EXT2: variants seen among roughly 807,000 people sequenced by gnomAD.
The protein encoded by EXT2 is exostosin glycosyltransferase 2.
Under a neutral mutation model 81.6 loss-of-function variants are expected in EXT2, and 53 were observed. That is an observed-to-expected ratio of 0.65 (90% CI 0.52 to 0.82). EXT2 has a LOEUF of 0.82. Ranked by LOEUF, EXT2 falls within the 40% of genes least tolerant of loss-of-function variation. The probability of loss-of-function intolerance (pLI) is 0.00; values close to 1 mark genes in which losing one functional copy is unlikely to be tolerated. For missense variants in EXT2, 774 were observed against 910.2 expected, an observed-to-expected ratio of 0.85 and a Z score of 1.93; for synonymous variants, 320 against 340.0, an observed-to-expected ratio of 0.94 and a Z score of 0.65.
At chr11:44,149,079 G>A (rs1427197196) in intron 7 of EXT2, among the ~76,000 whole-genome samples, 1 of 152,154 alleles carries the variant, frequency 6.6e-6, no homozygotes, top group Non-Finnish European at 1.5e-5. Context: ...AAAGAGTTTG[G>A]GGTTGGGTGC....
rs543834148 is a variant in EXT2 at position 44,238,605 on chromosome 11, C to T, written c.2018+2230C>T. ...ATGTAACAATGCAATTTGTGATGAG[C>T]GCCCTGAGAGAGGCTCAAAGGGCTG... On this transcript the variant is annotated intron_variant, in intron 13 of 13. Coordinates refer to ENST00000533608, the MANE Select transcript of EXT2 (RefSeq NM_207122.2). Among the ~76,000 whole-genome samples, 5 of 152,194 alleles carry T rather than the reference C, an allele frequency of 3.3e-5. No individual in the cohort carries two copies. The East Asian group carries it at 7.7e-4, about 24-fold the overall frequency.
At chr11:44,126,788 A>G (rs760107394) in intron 5 of EXT2, 28 bp from the exon 6 acceptor site, 4 of 1,613,978 alleles carry the variant, frequency 2.5e-6, no homozygotes, top group East Asian at 4.5e-5. Flanking sequence ...ACTAGTTTGT[A>G]ATCTCTTGCC....
At chr11:44,165,802 T>G (rs1456008626) in intron 7 of EXT2, among the ~76,000 whole-genome samples, 1 of 152,194 alleles carries the variant, frequency 6.6e-6, no homozygotes, top group African/African-American at 2.4e-5. Context: ...CTTTGTAAAT[T>G]TTTACACCTT....
intron 1 of EXT2, among the ~76,000 whole-genome samples, chr11:44,100,509 T>C (rs1953966164): frequency 6.6e-6 from 1 of 152,110 alleles, no homozygotes; most frequent in Admixed American, 6.5e-5. Context: ...TTGAGCAGTG[T>C]ATGGACAATG....
Position 44,249,485 on chromosome 11 carries a change from A to G in EXT2, c.*5198A>G, listed in dbSNP as rs763912519. The stretch of plus-strand genomic sequence containing the variant: ...CCATCTTGTGGACAACCTCTCAGGA[A>G]TTGCAGGTGGTGTGGGAGTGGCTGA... On this transcript the variant is annotated 3_prime_UTR_variant, in exon 14 of 14. Transcript: ENST00000533608. 1.2e-4 allele frequency among the ~76,000 whole-genome samples: 19 copies of G among 152,314 alleles called. No homozygotes were observed. The highest frequency in any genetic ancestry group is 2.8e-4 in the Non-Finnish European group (19 of 68,002).
chr11:44,202,740 A>G (rs1322668570), intron 9 of EXT2, among the ~76,000 whole-genome samples: 1 of 152,190 alleles, frequency 6.6e-6, no homozygotes, highest in East Asian at 1.9e-4. Context: ...ATTCCCATTC[A>G]CCCTCACAGT....
intron 13 of EXT2, among the ~76,000 whole-genome samples, chr11:44,237,498 C>T (rs1017677993): frequency 1.3e-5 from 2 of 152,024 alleles, no homozygotes; most frequent in Non-Finnish European, 1.5e-5. Context: ...CATACACTGT[C>T]GTAGCTCCTT....
At chr11:44,106,773 G>C (rs1954061432) in intron 1 of EXT2, among the ~76,000 whole-genome samples, 1 of 152,184 alleles carries the variant, frequency 6.6e-6, no homozygotes, top group Non-Finnish European at 1.5e-5. Flanking sequence ...GGGATTACAG[G>C]TGCATGCCAC....
At chr11:44,183,370 AG>A (rs1955263095) in intron 8 of EXT2, among the ~76,000 whole-genome samples, 1 of 152,194 alleles carries the variant, frequency 6.6e-6, no homozygotes, top group Admixed American at 6.5e-5. Context: ...GTTGCCAAAT[AG>A]TGATTTTCCA....
intron 7 of EXT2, among the ~76,000 whole-genome samples, chr11:44,154,957 T>C (rs1590601912): frequency 6.7e-6 from 1 of 150,018 alleles, no homozygotes; most frequent in African/African-American, 2.5e-5. Flanking sequence ...TTAAATTAGA[T>C]TTTTTTTTTG....
At position 44,245,142 on chromosome 11, in the gene EXT2, A is replaced by C. The variant is rs968340115; in HGVS notation, c.*855A>C. On this transcript the variant is annotated 3_prime_UTR_variant, in exon 14 of 14. Coordinates refer to ENST00000533608, the MANE Select transcript of EXT2 (RefSeq NM_207122.2). ...CAGATGACTCAGAAACCTCCAGAGG[A>C]ATCTGTTTGCTTCCTGATTAGATCC... 4.3e-6 allele frequency: 1 copy of C among 230,300 alleles called. No individual in the cohort carries two copies. The highest frequency in any genetic ancestry group is 8.6e-6 in the Non-Finnish European group (1 of 116,104). 14.3% of individuals were successfully genotyped at this position (230,300 alleles called of 1,614,324 possible). A position where few individuals can be genotyped will look rare whatever the true frequency, so the allele number is the denominator to read the frequency against.
chr11:44,115,445 G>C (rs1447819340), intron 4 of EXT2, among the ~76,000 whole-genome samples: 1 of 152,158 alleles, frequency 6.6e-6, no homozygotes, highest in East Asian at 1.9e-4. Flanking sequence ...CTGACAACAT[G>C]AATGTGCAGC....
At chr11:44,241,408 C>G (rs1297203781) in intron 13 of EXT2, among the ~76,000 whole-genome samples, 1 of 152,180 alleles carries the variant, frequency 6.6e-6, no homozygotes, top group Non-Finnish European at 1.5e-5. Flanking sequence ...CATCTCCTAA[C>G]ATAGGGATAT....
intron 10 of EXT2, among the ~76,000 whole-genome samples, chr11:44,227,326 A>G (rs1428898612): frequency 6.6e-6 from 1 of 152,258 alleles, no homozygotes; most frequent in Non-Finnish European, 1.5e-5. Context: ...AATGCAGCCC[A>G]TGCTGTTTAG....
At chr11:44,192,551 G>C (rs1031380067) in intron 8 of EXT2, among the ~76,000 whole-genome samples, 10 of 152,094 alleles carry the variant, frequency 6.6e-5, no homozygotes, top group Middle Eastern at 3.2e-3. Flanking sequence ...GTTTTAGTAG[G>C]CAAGATGAAT....
intron 7 of EXT2, among the ~76,000 whole-genome samples, chr11:44,141,652 T>C (rs1954647619): frequency 6.6e-6 from 1 of 152,208 alleles, no homozygotes; most frequent in African/African-American, 2.4e-5. Context: ...CTTTTGAAGG[T>C]GGCGGGTAAA....
intron 9 of EXT2, among the ~76,000 whole-genome samples, chr11:44,201,987 G>C (rs931706906): frequency 6.6e-6 from 1 of 152,166 alleles, no homozygotes; most frequent in Admixed American, 6.5e-5. Flanking sequence ...ATTTGACAAA[G>C]GGAAAACATG....
Position 44,207,470 on chromosome 11 carries a change from T to A in EXT2, c.1662+511T>A, listed in dbSNP as rs547068602. Among the ~76,000 whole-genome samples, 10 of 152,220 alleles carry A rather than the reference T, an allele frequency of 6.6e-5. No homozygotes were observed. The South Asian group carries it at 2.1e-3, about 32-fold the overall frequency. On this transcript the variant is annotated intron_variant, in intron 10 of 13. Coordinates refer to ENST00000533608, the MANE Select transcript of EXT2 (RefSeq NM_207122.2). ...AATGAGGCTGATGGATTAGGCTGGG[T>A]TCAAGGGTTAAGTATGGAGACCAGT...
intron 10 of EXT2, among the ~76,000 whole-genome samples, chr11:44,229,946 G>A (rs538280317): frequency 1.3e-5 from 2 of 152,338 alleles, no homozygotes; most frequent in East Asian, 3.9e-4. Context: ...AACAGTCTCT[G>A]TCCTCTTTGA....
Sources: gnomAD v4.1 joint callset for allele counts (sites outside exome capture counted in the v4.1 genomes callset) on GRCh38, gnomAD v4.1.1 for gene constraint, MANE v1.5 for transcripts, NCBI Gene and HGNC (gene_info 2026-07-23, HGNC 2026-07-21) for gene names.